Variants in TONSL observed in about 807,000 individuals in gnomAD.
The protein encoded by TONSL is tonsoku like, DNA repair protein, also known as tonsoku-like protein.
In TONSL, 112 loss-of-function variants were observed where a neutral mutation model predicts 147.1. The observed-to-expected ratio is 0.76, with a 90% CI of 0.65 to 0.89. The LOEUF (loss-of-function observed/expected upper bound fraction) is 0.89, where lower values mean the gene tolerates loss of function less well. TONSL is among the 40% of genes least tolerant of loss of function. TONSL has a pLI of 0.00. For synonymous variants in TONSL, 868 were observed against 801.5 expected (o/e 1.08, Z -1.40); for missense variants, 1,883 against 1,864.6 (o/e 1.01, Z -0.18).
chr8:144,434,869 C>G lies in TONSL; in HGVS notation c.3027G>C (p.Ser1009=). Residue 1009 remains serine (S), a synonymous_variant, in exon 20 of 26, where the codon TCG becomes TCC. Transcript: ENST00000409379. ...GGTCAGTCAACGGGGGCAGGTCCCA[C>G]GAAGTCACCTCAGCCAACACCTGGA... ...SNDEVLAEVT[S]WDLPPLTDRY... 6.2e-7 allele frequency: 1 copy of G among 1,613,410 alleles called. No individual in the cohort carries two copies. Among genetic ancestry groups the G allele is most frequent in the Non-Finnish European group, 8.5e-7 (1 of 1,179,950 alleles).
At chr8:144,432,683 C>T in intron 22 of TONSL, 1 of 454,682 alleles carries the variant, frequency 2.2e-6, no homozygotes, top group Non-Finnish European at 3.9e-6. Context: ...GGACAACTTG[C>T]CCTCTCCCAC....
At chr8:144,436,998 GCGC>G (rs761619322) in intron 14 of TONSL, 26 bp downstream of exon 14, 1 of 1,612,972 alleles carries the variant, frequency 6.2e-7, no homozygotes, top group South Asian at 1.1e-5. Context: ...CCACCAAGGT[GCGC>G]CAGGCTCCTT....
At chr8:144,439,864 A>G (rs1586693852) in intron 11 of TONSL, 157 bp downstream of exon 11, 1 of 570,000 alleles carries the variant, frequency 1.8e-6, no homozygotes, top group East Asian at 3.1e-5. Flanking sequence ...GCGGGTCACC[A>G]CCTTCTCTGT....
Position 144,436,072 on chromosome 8 carries a change from G to C in TONSL, c.2361C>G (p.Thr787=). The change falls in exon 17 of 26, where the codon ACC becomes ACG. Residue 787 remains threonine (T), a synonymous_variant. Coordinates refer to ENST00000409379, the MANE Select transcript of TONSL (RefSeq NM_013432.5). ...ASNREAATAS[T]SRAAYQAAIR... ...TGGCTGCCTGGTAGGCTGCCCGGCT[G>C]GTGCTGGCTGTGGCTGCTTCCCTGT... 1 of 1,571,090 alleles carries C rather than the reference G, an allele frequency of 6.4e-7. No individual in the cohort carries two copies. Among genetic ancestry groups the C allele is most frequent in the Non-Finnish European group, 8.6e-7 (1 of 1,165,542 alleles).
In TONSL at chr8:144,443,561, C is replaced by CG. The variant is rs144873244; in HGVS notation, c.265-241dup. The stretch of plus-strand genomic sequence containing the variant: ...GTGGGGAGGGGCAGCTGGGAGTTGG[C>CG]GGGGGGGTTGCAGTCCTGCCTCCAG... On this transcript the variant is annotated intron_variant, in intron 3 of 25. Coordinates refer to ENST00000409379, the MANE Select transcript of TONSL (RefSeq NM_013432.5). Among the ~76,000 whole-genome samples, 304 of 152,242 alleles carry CG rather than the reference C, an allele frequency of 2.0e-3. 2 individuals are homozygous for CG. Among genetic ancestry groups the CG allele is most frequent in the African/African-American group, 5.0e-3 (206 of 41,528 alleles).
chr8:144,444,138 G>A (rs1823822647), intron 2 of TONSL, 42 bp downstream of exon 2: 6 of 1,334,426 alleles, frequency 4.5e-6, no homozygotes, highest in Middle Eastern at 2.8e-4. Flanking sequence ...GCCCGGGCCC[G>A]GGCCCCGGCC....
At position 144,444,009 on chromosome 8, in the gene TONSL, G is replaced by A; in HGVS notation, c.137C>T (p.Ala46Val). 5 of 1,537,852 alleles carry A rather than the reference G, an allele frequency of 3.3e-6. No individual in the cohort carries two copies. The highest frequency in any genetic ancestry group is 4.4e-6 in the Non-Finnish European group (5 of 1,146,324). The change falls in exon 3 of 26, where the codon GCT (alanine) becomes GTT (valine). Residue 46 changes from alanine to valine, a missense_variant. Transcript: ENST00000409379. The part of the protein sequence containing the change: ...LLAGHGRYAE[A>V]LEQHWQELQL... The stretch of plus-strand genomic sequence containing the variant: ...CAGCTCCTGCCAGTGCTGCTCCAGA[G>A]CCTCGGCGTAGCGGCCTAGGCGGGG...
intron 20 of TONSL, 64 bp downstream of exon 20, chr8:144,434,747 G>A: frequency 6.4e-7 from 1 of 1,553,468 alleles, no homozygotes; most frequent in Non-Finnish European, 8.7e-7. Flanking sequence ...CGGGCTGGTG[G>A]AGCCTGTGTG....
In TONSL at chr8:144,428,929, A is replaced by C; in HGVS notation, c.*214T>G. On this transcript the variant is annotated 3_prime_UTR_variant, in exon 26 of 26. Transcript: ENST00000409379. ...CTCAGCCTCCGGAGTAGCTGGGACTACAGGCTTCCACCACCACGCCCGGCT... is the reference window on the plus strand; with the variant it reads ...CTCAGCCTCCGGAGTAGCTGGGACTCCAGGCTTCCACCACCACGCCCGGCT... The C allele has an allele frequency of 6.1e-6, 3 of 494,478 alleles. No individual in the cohort carries two copies. The highest frequency in any genetic ancestry group is 3.5e-6 in the Non-Finnish European group (1 of 288,524). The allele number at this position is 494,478 out of a possible 1,614,324, so 30.6% of individuals were successfully genotyped here. A position where few individuals can be genotyped will look rare whatever the true frequency, so the allele number is the denominator to read the frequency against.
chr8:144,442,984 G>A lies in TONSL; in HGVS notation c.448+154C>T. On this transcript the variant is annotated intron_variant, in intron 4 of 25. Coordinates refer to ENST00000409379, the MANE Select transcript of TONSL (RefSeq NM_013432.5). ...GATAAAGAGCTGACGATCTCCAGGG[G>A]AAAGGTTGAGCGGGGCATGCACCCC... is the stretch of plus-strand genomic sequence containing the variant. 1.6e-6 allele frequency: 2 copies of A among 1,226,510 alleles called. 1 individual carries two copies. The allele number at this position is 1,226,510 out of a possible 1,614,324, so 76.0% of individuals were successfully genotyped here.
Position 144,444,386 on chromosome 8 carries a change from T to A in TONSL, c.25+4A>T, listed in dbSNP as rs1206498345. 2.9e-5 allele frequency: 37 copies of A among 1,273,308 alleles called. No homozygotes were observed. Among genetic ancestry groups the A allele is most frequent in the Non-Finnish European group, 3.7e-5 (37 of 1,007,716 alleles). The allele number at this position is 1,273,308 out of a possible 1,614,324, so 78.9% of individuals were successfully genotyped here. ...CCGGAGGAAGGGGTCCCCGAGGAAC[T>A]TACGGCGAAGCTCGCGCTCCAGGCT... On this transcript the variant is annotated splice_donor_region_variant and intron_variant, in intron 1 of 25. Transcript: ENST00000409379.
At chr8:144,438,172 A>C in intron 13 of TONSL, 1 of 456,552 alleles carries the variant, frequency 2.2e-6, no homozygotes, top group Non-Finnish European at 4.0e-6. Flanking sequence ...AAGTGCTGGG[A>C]TTACAGGCAT....
Position 144,433,726 on chromosome 8 carries a change from G to C in TONSL, c.3421C>G (p.Leu1141Val), listed in dbSNP as rs1317163430. The change falls in exon 22 of 26, where the codon CTG (leucine) becomes GTG (valine). Residue 1141 changes from leucine to valine, a missense_variant. Coordinates refer to ENST00000409379, the MANE Select transcript of TONSL (RefSeq NM_013432.5). The stretch of plus-strand genomic sequence containing the variant: ...AGGGACTGGCCACAGCCGTCCCCCA[G>C]GGGGTTCATGCTTAAGTCCAGCTCC... Reference protein sequence around the residue: ...LEELDLSMNPLGDGCGQSLAS... With the variant: ...LEELDLSMNPVGDGCGQSLAS... 27 of 1,601,362 alleles carry C rather than the reference G, an allele frequency of 1.7e-5. No homozygotes were observed. The highest frequency in any genetic ancestry group is 2.2e-5 in the East Asian group (1 of 44,774).
chr8:144,435,342 CT>C (rs1270557497), intron 18 of TONSL, 131 bp downstream of exon 18: 2 of 1,237,158 alleles, frequency 1.6e-6, no homozygotes, highest in Admixed American at 5.7e-5. Context: ...TCTGCTATTC[CT>C]GGGGGCCACA....
chr8:144,441,136 G>A, intron 7 of TONSL, 25 bp from the exon 8 acceptor site: 5 of 1,610,562 alleles, frequency 3.1e-6, no homozygotes, highest in East Asian at 2.2e-5. Flanking sequence ...TTCATGCAGG[G>A]GGGCAGCACA....
At chr8:144,443,068 C>G in intron 4 of TONSL, 70 bp downstream of exon 4, 1 of 1,495,208 alleles carries the variant, frequency 6.7e-7, no homozygotes. Context: ...AAGGAGGCTG[C>G]GGGGGTGCTG....
chr8:144,440,016 C>A lies in TONSL; in HGVS notation c.1480+5G>T. The A allele has an allele frequency of 8.8e-7, 1 of 1,136,690 alleles. No homozygotes were observed. 70.4% of individuals were successfully genotyped at this position (1,136,690 alleles called of 1,614,324 possible). ...AGGGAAATGCAAGGTGCCGCTGGCC[C>A]TCACCGCCCTCTGAGAGCTCCACCT... On this transcript the variant is annotated splice_donor_5th_base_variant and intron_variant, in intron 11 of 25. Coordinates refer to ENST00000409379, the MANE Select transcript of TONSL (RefSeq NM_013432.5).
In TONSL at chr8:144,442,364, GC is replaced by G; in HGVS notation, c.626del (p.Gly209AlafsTer27). 1 of 1,584,960 alleles carries G rather than the reference GC, an allele frequency of 6.3e-7. No individual in the cohort carries two copies. The highest frequency in any genetic ancestry group is 8.6e-7 in the Non-Finnish European group (1 of 1,162,450). On this transcript the variant is annotated frameshift_variant, in exon 6 of 26. Coordinates refer to ENST00000409379, the MANE Select transcript of TONSL (RefSeq NM_013432.5). LOFTEE classifies it high-confidence loss of function. ...GCTGGCCCGCGCGCCAGTGGATGGT[GC>G]CCAGGTTGTAGCGGGCGCGGAATAG... ...EDLFRARYNL[G>X]TIHWRAGQHS...
At chr8:144,431,000 C>A (rs1183287234) in intron 24 of TONSL, 78 bp downstream of exon 24, 3 of 1,508,366 alleles carry the variant, frequency 2.0e-6, no homozygotes, top group African/African-American at 1.4e-5. Context: ...GGTACCATTT[C>A]TGTGGCCCTT....
Sources: allele counts gnomAD v4.1 joint callset (sites outside exome capture counted in the v4.1 genomes callset), GRCh38; gene constraint gnomAD v4.1.1; transcripts MANE v1.5; gene names NCBI Gene and HGNC (gene_info 2026-07-23, HGNC 2026-07-21).